The following PHTF1 variants were observed in gnomAD, a reference collection of about 807,000 sequenced individuals.
PHTF1 encodes the protein putative homeodomain transcription factor 1, also known as protein PHTF1.
Under a neutral mutation model 102.4 loss-of-function variants are expected in PHTF1, and 88 were observed. The observed-to-expected ratio is 0.86, with a 90% CI of 0.72 to 1.03. PHTF1 has a LOEUF of 1.03. PHTF1 is among the 50% of genes least tolerant of loss of function. The probability of loss-of-function intolerance (pLI) is 0.00; values close to 1 mark genes in which losing one functional copy is unlikely to be tolerated. For synonymous variants in PHTF1, 289 were observed against 305.2 expected, an observed-to-expected ratio of 0.95 and a Z score of 0.55; for missense variants, 814 against 909.5, an observed-to-expected ratio of 0.89 and a Z score of 1.35.
chr1:113,726,697 C>T lies in PHTF1; in HGVS notation c.332-123G>A, dbSNP rs1029016076. 3.7e-5 allele frequency: 23 copies of T among 613,528 alleles called. No homozygotes were observed. In the African/African-American group the frequency reaches 4.2e-4, roughly 11 times the overall value. The allele number at this position is 613,528 out of a possible 1,614,324, so 38.0% of individuals were successfully genotyped here. A position where few individuals can be genotyped will look rare whatever the true frequency, so the allele number is the denominator to read the frequency against. ...AAAAAAGTACACAAATAAATAGTTT[C>T]CTACAATGCCCATCCAGATGCACAT... On this transcript the variant is annotated intron_variant, in intron 5 of 18. Transcript: ENST00000369604.
At chr1:113,738,859 A>C (rs1180843116) in intron 3 of PHTF1, 60 bp from the exon 4 acceptor site, 5 of 1,237,758 alleles carry the variant, frequency 4.0e-6, no homozygotes, top group Non-Finnish European at 4.6e-6. Flanking sequence ...TTATTTATTT[A>C]TTTATTTTTG....
Position 113,711,736 on chromosome 1 carries a change from G to T in PHTF1, c.1047+10C>A, listed in dbSNP as rs1571114916. ...AAAATATACCTTGATTTCTCAAAGG[G>T]ATACTTTACCTGGCTGAAGGCTGCT... On this transcript the variant is annotated intron_variant, in intron 10 of 18. Transcript: ENST00000369604. 1 of 1,594,954 alleles carries T rather than the reference G, an allele frequency of 6.3e-7. No homozygotes were observed. The highest frequency in any genetic ancestry group is 1.7e-4 in the Middle Eastern group (1 of 6,020).
Position 113,704,726 on chromosome 1 carries a change from ATGAGG to A in PHTF1, c.1738_1742del (p.Pro580PhefsTer4). ...TATTCTCCACCTTCTTAAGTCTGAA[ATGAGG>A]TATTTCATATTTCCTAGCTTTCCTG... On this transcript the variant is annotated frameshift_variant, in exon 14 of 19. Coordinates refer to ENST00000369604, the MANE Select transcript of PHTF1 (RefSeq NM_001323043.2). LOFTEE classifies it high-confidence loss of function. The A allele has an allele frequency of 6.3e-7, 1 of 1,585,862 alleles. No homozygotes were observed. The highest frequency in any genetic ancestry group is 8.7e-7 in the Non-Finnish European group (1 of 1,154,820).
intron 7 of PHTF1, among the ~76,000 whole-genome samples, chr1:113,719,426 A>G (rs1038447241): frequency 6.6e-6 from 1 of 152,212 alleles, no homozygotes; most frequent in Non-Finnish European, 1.5e-5. Context: ...TTTGCTACTT[A>G]GAAATTTTTT....
At chr1:113,732,536 A>G (rs1204912440) in intron 5 of PHTF1, among the ~76,000 whole-genome samples, 2 of 152,180 alleles carry the variant, frequency 1.3e-5, no homozygotes, top group Non-Finnish European at 2.9e-5. Flanking sequence ...GTTAATCCAT[A>G]TTAAACAGCT....
intron 7 of PHTF1, among the ~76,000 whole-genome samples, chr1:113,720,485 A>G (rs1652743903): frequency 6.6e-6 from 1 of 152,226 alleles, no homozygotes; most frequent in Non-Finnish European, 1.5e-5. Flanking sequence ...TGGCTATAGA[A>G]TACACATTTT....
chr1:113,724,934 C>G, intron 6 of PHTF1, 41 bp from the exon 7 acceptor site: 1 of 1,468,190 alleles, frequency 6.8e-7, no homozygotes, highest in South Asian at 1.3e-5. Flanking sequence ...TATTCAAGAC[C>G]CTTTCTATTT....
intron 3 of PHTF1, 23 bp downstream of exon 3, chr1:113,757,676 C>G: frequency 1.3e-6 from 2 of 1,527,850 alleles, no homozygotes; most frequent in Non-Finnish European, 9.1e-7. Flanking sequence ...GAAACATAGG[C>G]GGAATCAAAG....
At position 113,759,194 on chromosome 1, in the gene PHTF1, G is replaced by C; in HGVS notation, c.-202C>G. ...AGACCGCGGAGGCCGCCCCAGCTTCGGAGGCAGCCGGCCGCCCAGCGCCCT... is the reference window on the plus strand; with the variant it reads ...AGACCGCGGAGGCCGCCCCAGCTTCCGAGGCAGCCGGCCGCCCAGCGCCCT... On this transcript the variant is annotated 5_prime_UTR_variant, in exon 1 of 19. Coordinates refer to ENST00000369604, the MANE Select transcript of PHTF1 (RefSeq NM_001323043.2). 3.3e-6 allele frequency: 2 copies of C among 614,370 alleles called. No homozygotes were observed. Among genetic ancestry groups the C allele is most frequent in the Non-Finnish European group, 4.1e-6 (2 of 490,170 alleles). 38.1% of individuals were successfully genotyped at this position (614,370 alleles called of 1,614,324 possible).
intron 5 of PHTF1, among the ~76,000 whole-genome samples, chr1:113,728,351 G>T (rs999157425): frequency 6.6e-6 from 1 of 152,118 alleles, no homozygotes; most frequent in African/African-American, 2.4e-5. Context: ...CATATGAAAA[G>T]GTGCTCATAT....
intron 15 of PHTF1, chr1:113,703,747 G>C (rs998269983): frequency 5.1e-6 from 1 of 194,616 alleles, no homozygotes; most frequent in Admixed American, 5.7e-5. Context: ...TAAATAAGAG[G>C]GAAAGAAATG....
At chr1:113,755,439 T>G (rs1214515865) in intron 3 of PHTF1, among the ~76,000 whole-genome samples, 1 of 152,174 alleles carries the variant, frequency 6.6e-6, no homozygotes. Context: ...TTTTTCAGCT[T>G]TCTACTATCA....
chr1:113,700,745 A>G (rs1309623363), intron 16 of PHTF1, 49 bp downstream of exon 16: 1 of 1,560,636 alleles, frequency 6.4e-7, no homozygotes, highest in Non-Finnish European at 8.8e-7. Flanking sequence ...CTTACAGCGT[A>G]TTACGCTACC....
At chr1:113,717,679 C>T (rs886509330) in intron 7 of PHTF1, among the ~76,000 whole-genome samples, 5 of 152,004 alleles carry the variant, frequency 3.3e-5, no homozygotes, top group East Asian at 1.9e-4. Context: ...AGAATCATGG[C>T]GGGAGGTAAA....
chr1:113,752,026 A>G (rs1489589528), intron 3 of PHTF1, among the ~76,000 whole-genome samples: 1 of 152,250 alleles, frequency 6.6e-6, no homozygotes, highest in African/African-American at 2.4e-5. Flanking sequence ...GAATTAGCTC[A>G]TCAATCTCTA....
At chr1:113,700,163 T>C in intron 16 of PHTF1, 1 of 967,190 alleles carries the variant, frequency 1.0e-6, no homozygotes, top group East Asian at 1.1e-4. Flanking sequence ...ATTAAACATT[T>C]ATGGAACAGA....
intron 5 of PHTF1, among the ~76,000 whole-genome samples, chr1:113,732,473 G>A (rs1654811013): frequency 1.3e-5 from 2 of 152,100 alleles, no homozygotes; most frequent in African/African-American, 2.4e-5. Flanking sequence ...TCCAGTCTGG[G>A]CAACAGAGTG....
intron 7 of PHTF1, among the ~76,000 whole-genome samples, chr1:113,718,694 G>A (rs529220001): frequency 1.4e-4 from 21 of 152,330 alleles, no homozygotes; most frequent in South Asian, 8.3e-4. Flanking sequence ...GGTTTGGAGC[G>A]TCCACCCTCT....
At chr1:113,712,140 C>T in intron 8 of PHTF1, 27 bp from the exon 9 acceptor site, 1 of 1,590,240 alleles carries the variant, frequency 6.3e-7, no homozygotes, top group Non-Finnish European at 8.6e-7. Flanking sequence ...AATACCTTCA[C>T]AGGGGACAGC....
Sources: gnomAD v4.1 joint callset for allele counts (sites outside exome capture counted in the v4.1 genomes callset) on GRCh38, gnomAD v4.1.1 for gene constraint, MANE v1.5 for transcripts, NCBI Gene and HGNC (gene_info 2026-07-23, HGNC 2026-07-21) for gene names.